Variants in TSPAN11 observed in about 807,000 individuals in gnomAD.
TSPAN11 encodes the protein tetraspanin-11.
A neutral mutation model predicts 32.9 loss-of-function variants in TSPAN11; 29 were observed. That is an observed-to-expected ratio of 0.88 (90% CI 0.66 to 1.20). The LOEUF is 1.20. Ranked by LOEUF, TSPAN11 falls within the 50% of genes most tolerant of loss-of-function variation. TSPAN11 has a pLI of 0.00. For missense variants in TSPAN11, 283 were observed against 329.1 expected, an observed-to-expected ratio of 0.86 and a Z score of 1.08; for synonymous variants, 140 against 141.3, an observed-to-expected ratio of 0.99 and a Z score of 0.07.
At chr12:30,974,206 C>T (rs1190187341) in intron 3 of TSPAN11, among the ~76,000 whole-genome samples, 1 of 152,206 alleles carries the variant, frequency 6.6e-6, no homozygotes, top group Non-Finnish European at 1.5e-5. Context: ...TTTGTGGCTC[C>T]CACAGTGCAT....
intron 7 of TSPAN11, among the ~76,000 whole-genome samples, chr12:30,983,822 A>C (rs966659529): frequency 6.6e-6 from 1 of 152,198 alleles, no homozygotes; most frequent in Admixed American, 6.5e-5. Flanking sequence ...TTAAGGTATT[A>C]TATAGGGGAG....
rs1370945911 is a variant in TSPAN11, at chr12:30,992,069, A to G, written c.*154A>G. The G allele has an allele frequency of 4.6e-6, 3 of 648,580 alleles. No homozygotes were observed. The highest frequency in any genetic ancestry group is 3.0e-5 in the Admixed American group (1 of 33,634). 40.2% of individuals were successfully genotyped at this position (648,580 alleles called of 1,614,324 possible). ...GCGAATCCACCGAGTGCCTGAGACCATAGCTTCTGTGCCCACCCAGGCAGA... is the reference window on the plus strand; with the variant it reads ...GCGAATCCACCGAGTGCCTGAGACCGTAGCTTCTGTGCCCACCCAGGCAGA... On this transcript the variant is annotated 3_prime_UTR_variant, in exon 8 of 8. Transcript: ENST00000546076.
At chr12:30,954,154 C>G (rs1209806492) in intron 2 of TSPAN11, 79 bp downstream of exon 2, 1 of 1,020,612 alleles carries the variant, frequency 9.8e-7, no homozygotes, top group Non-Finnish European at 1.5e-6. Flanking sequence ...TGTGTCACCA[C>G]TTTGAGGTTG....
intron 3 of TSPAN11, among the ~76,000 whole-genome samples, chr12:30,967,575 T>C (rs975892456): frequency 1.3e-5 from 2 of 152,184 alleles, no homozygotes; most frequent in African/African-American, 4.8e-5. Flanking sequence ...CACACAGAAC[T>C]GGTGATCTCT....
intron 7 of TSPAN11, chr12:30,986,875 C>T (rs1023400886): frequency 2.6e-5 from 4 of 152,102 alleles, no homozygotes; most frequent in Non-Finnish European, 5.9e-5. Flanking sequence ...ATCAGCTTAG[C>T]GAAAAGTCTC....
chr12:30,998,546 C>T (rs1325910256), downstream of TSPAN11, among the ~76,000 whole-genome samples: 1 of 152,218 alleles, frequency 6.6e-6, no homozygotes, highest in Non-Finnish European at 1.5e-5. Flanking sequence ...TAGCTGAAAC[C>T]CTGTCTGGCA....
At chr12:30,954,930 C>T (rs1311381681) in intron 2 of TSPAN11, 1 of 152,128 alleles carries the variant, frequency 6.6e-6, no homozygotes, top group Non-Finnish European at 1.5e-5. Context: ...CCAAATCAAC[C>T]CATGATAAGG....
At chr12:30,974,785 C>T (rs1046748475) in intron 3 of TSPAN11, among the ~76,000 whole-genome samples, 2 of 152,174 alleles carry the variant, frequency 1.3e-5, no homozygotes, top group East Asian at 1.9e-4. Context: ...GTCACTCATC[C>T]GGTGATGACC....
intron 3 of TSPAN11, among the ~76,000 whole-genome samples, chr12:30,969,673 C>T (rs1565798681): frequency 6.6e-6 from 1 of 152,170 alleles, no homozygotes; most frequent in African/African-American, 2.4e-5. Flanking sequence ...AATTAGCTTC[C>T]ACCACCACCT....
At chr12:30,957,478 A>T (rs959529414) in intron 2 of TSPAN11, among the ~76,000 whole-genome samples, 15 of 152,202 alleles carry the variant, frequency 9.9e-5, no homozygotes, top group African/African-American at 3.4e-4. Flanking sequence ...TCAGCAGCCC[A>T]ATTGGTTAAA....
chr12:31,001,539 G>A (rs907053148), downstream of TSPAN11, among the ~76,000 whole-genome samples: 4 of 152,224 alleles, frequency 2.6e-5, no homozygotes, highest in African/African-American at 9.6e-5. Flanking sequence ...CTGTTGTCTA[G>A]GTGCTTGGCA....
the TSPAN11 span, among the ~76,000 whole-genome samples, chr12:31,016,476 G>A: frequency 6.6e-6 from 1 of 151,734 alleles, no homozygotes; most frequent in Admixed American, 6.6e-5. Flanking sequence ...GGAAAGGAAA[G>A]GAGAGGAGAG....
chr12:30,970,214 G>A (rs576620768), intron 3 of TSPAN11, among the ~76,000 whole-genome samples: 5 of 152,292 alleles, frequency 3.3e-5, no homozygotes, highest in African/African-American at 7.2e-5. Flanking sequence ...TCCCTGTGCC[G>A]TGTCTCCCTG....
In TSPAN11 at chr12:30,963,857, T is replaced by A. The variant is rs1938667247; in HGVS notation, c.116T>A (p.Ile39Asn). 6.2e-7 allele frequency: 1 copy of A among 1,611,246 alleles called. No individual in the cohort carries two copies. The highest frequency in any genetic ancestry group is 1.1e-5 in the South Asian group (1 of 91,082). The change falls in exon 3 of 8, where the codon ATC becomes AAC. Residue 39 changes from isoleucine (I) to asparagine (N), a missense_variant. Physicochemically the swap from Ile to Asn is moderately radical, Grantham distance 149. Transcript: ENST00000546076. Reference sequence around the variant, plus strand: ...GGAGCAGCCGTCCTGGCTGTGGGCATCTGGACCCTGGTGGAGAAGAGTGGC... The same window carrying A: ...GGAGCAGCCGTCCTGGCTGTGGGCAACTGGACCCTGGTGGAGAAGAGTGGC... The part of the protein sequence containing the change: ...VGGAAVLAVG[I>N]WTLVEKSGYL...
chr12:30,995,452 A>G lies in TSPAN11; in HGVS notation c.*3537A>G, dbSNP rs1939398014. 1 of 152,342 alleles carries G rather than the reference A, an allele frequency of 6.6e-6. No homozygotes were observed. Among genetic ancestry groups the G allele is most frequent in the Non-Finnish European group, 1.5e-5 (1 of 68,172 alleles). The allele number at this position is 152,342 out of a possible 1,614,324, so 9.4% of individuals were successfully genotyped here. A position where few individuals can be genotyped will look rare whatever the true frequency, so the allele number is the denominator to read the frequency against. ...CAGGGAGCTTGTGCTGTGCATGGCC[A>G]GAGGTGTTTACATCCAGAAGGGCCC... On this transcript the variant is annotated 3_prime_UTR_variant, in exon 8 of 8. Coordinates refer to ENST00000546076, the MANE Select transcript of TSPAN11 (RefSeq NM_001370302.1).
At chr12:30,960,571 C>T (rs1375624866) in intron 2 of TSPAN11, among the ~76,000 whole-genome samples, 1 of 152,024 alleles carries the variant, frequency 6.6e-6, no homozygotes, top group Non-Finnish European at 1.5e-5. Context: ...CATGTGCAGC[C>T]ACTCAGGTTA....
chr12:30,996,222 C>T lies in TSPAN11; in HGVS notation c.*4307C>T, dbSNP rs1939414717. 1 of 152,222 alleles carries T rather than the reference C, an allele frequency of 6.6e-6. No individual in the cohort carries two copies. Among genetic ancestry groups the T allele is most frequent in the Non-Finnish European group, 1.5e-5 (1 of 68,078 alleles). 9.4% of individuals were successfully genotyped at this position (152,222 alleles called of 1,614,324 possible). ...TCCTGGAAGGGGACAAGTTACACACCCCAGCCCCATTTTCCCACCAACTTC... is the reference window on the plus strand; with the variant it reads ...TCCTGGAAGGGGACAAGTTACACACTCCAGCCCCATTTTCCCACCAACTTC... On this transcript the variant is annotated 3_prime_UTR_variant, in exon 8 of 8. Coordinates refer to ENST00000546076, the MANE Select transcript of TSPAN11 (RefSeq NM_001370302.1).
chr12:30,978,858 G>A (rs1475172299), intron 4 of TSPAN11: 2 of 548,200 alleles, frequency 3.6e-6, no homozygotes, highest in Non-Finnish European at 3.2e-6. Context: ...CATGGGAGCT[G>A]GGGACGGGGG....
intron 7 of TSPAN11, among the ~76,000 whole-genome samples, chr12:30,984,581 G>A (rs1056744935): frequency 3.6e-5 from 4 of 111,052 alleles, no homozygotes; most frequent in East Asian, 3.0e-4. Flanking sequence ...TTTTTTGCGC[G>A]ACAGTCTCAC....
Sources: gnomAD v4.1 joint callset for allele counts (sites outside exome capture counted in the v4.1 genomes callset) on GRCh38, gnomAD v4.1.1 for gene constraint, MANE v1.5 for transcripts, NCBI Gene and HGNC (gene_info 2026-07-23, HGNC 2026-07-21) for gene names.